Variants in CAMSAP1 observed in about 807,000 individuals in gnomAD.
CAMSAP1 encodes calmodulin-regulated spectrin-associated protein 1.
A neutral mutation model predicts 143.5 loss-of-function variants in CAMSAP1; 58 were observed. That is an observed-to-expected ratio of 0.40 (90% CI 0.33 to 0.50). CAMSAP1 has a LOEUF of 0.50. Ranked by LOEUF, CAMSAP1 falls within the 20% of genes least tolerant of loss-of-function variation. The pLI, the probability that CAMSAP1 is intolerant of heterozygous loss-of-function variation, is 0.45. For synonymous variants in CAMSAP1, 945 were observed against 859.3 expected (o/e 1.10, Z -1.74); for missense variants, 1,969 against 2,115.7 (o/e 0.93, Z 1.36).
intron 1 of CAMSAP1, among the ~76,000 whole-genome samples, chr9:135,890,185 C>T (rs117825154): frequency 0.011 from 1,724 of 152,124 alleles, 20 homozygotes; most frequent in Middle Eastern, 0.02. Context: ...ATGGAGGCTC[C>T]GCATGTACAA....
Position 135,823,111 on chromosome 9 carries a change from G to A in CAMSAP1, c.1550C>T (p.Pro517Leu). Reference protein sequence around the residue: ...NIVNLTPQNQPHPTATKSHGK... With the variant: ...NIVNLTPQNQLHPTATKSHGK... Reference sequence around the variant, plus strand: ...GTGGCTCTTCGTGGCCGTGGGGTGTGGCTGGTTCTGTGGGGTCAGATTAAC... The same window carrying A: ...GTGGCTCTTCGTGGCCGTGGGGTGTAGCTGGTTCTGTGGGGTCAGATTAAC... The change falls in exon 11 of 17, where the codon CCA becomes CTA. Residue 517 changes from proline (P) to leucine (L), a missense_variant. Transcript: ENST00000389532. The A allele has an allele frequency of 1.2e-6, 2 of 1,614,018 alleles. No individual in the cohort carries two copies. Among genetic ancestry groups the A allele is most frequent in the Non-Finnish European group, 1.7e-6 (2 of 1,179,902 alleles).
chr9:135,831,032 C>T (rs770748421), intron 7 of CAMSAP1, among the ~76,000 whole-genome samples: 11 of 151,990 alleles, frequency 7.2e-5, no homozygotes, highest in Non-Finnish European at 1.5e-4. Context: ...ATTAGCTGAG[C>T]GTGGTGGCGG....
At chr9:135,855,769 A>T (rs1227659000) in intron 5 of CAMSAP1, among the ~76,000 whole-genome samples, 1 of 147,620 alleles carries the variant, frequency 6.8e-6, no homozygotes, top group Non-Finnish European at 1.5e-5. Context: ...AAAAAAAAAA[A>T]AGGCCGGGTG....
intron 3 of CAMSAP1, among the ~76,000 whole-genome samples, chr9:135,875,249 G>C (rs965721025): frequency 6.7e-6 from 1 of 149,086 alleles, no homozygotes; most frequent in Non-Finnish European, 1.5e-5. Context: ...TACTCTTGTC[G>C]CCCAGGCTGG....
chr9:135,810,662 TG>T lies in CAMSAP1; in HGVS notation c.*646del, dbSNP rs1347272533. 2.0e-5 allele frequency: 3 copies of T among 152,642 alleles called. No homozygotes were observed. Among genetic ancestry groups the T allele is most frequent in the African/African-American group, 7.2e-5 (3 of 41,422 alleles). 9.5% of individuals were successfully genotyped at this position (152,642 alleles called of 1,614,324 possible). On this transcript the variant is annotated 3_prime_UTR_variant, in exon 17 of 17. Transcript: ENST00000389532. ...GATTTCGGTGCTTTTAGTGAACTGG[TG>T]TTTTCCGTAAACTTTTTCTGAGCAG...
In CAMSAP1 at chr9:135,865,760, G is replaced by A. The variant is rs553917837; in HGVS notation, c.666+696C>T. Among the ~76,000 whole-genome samples, 14 of 152,220 alleles carry A rather than the reference G, an allele frequency of 9.2e-5. No homozygotes were observed. The East Asian group carries it at 9.7e-4, about 11-fold the overall frequency. Reference sequence around the variant, plus strand: ...TCCAGATGAGGGAGGCATACCAGGCGGCCTGACTCACCCACCCACCCAGCT... The same window carrying A: ...TCCAGATGAGGGAGGCATACCAGGCAGCCTGACTCACCCACCCACCCAGCT... On this transcript the variant is annotated intron_variant, in intron 4 of 16. Coordinates refer to ENST00000389532, the MANE Select transcript of CAMSAP1 (RefSeq NM_015447.4).
Position 135,811,617 on chromosome 9 carries a change from CAG to C in CAMSAP1, c.4507-8_4507-7del, listed in dbSNP as rs2131631068. The C allele has an allele frequency of 1.9e-6, 3 of 1,575,874 alleles. No homozygotes were observed. Among genetic ancestry groups the C allele is most frequent in the Non-Finnish European group, 2.6e-6 (3 of 1,160,098 alleles). ...GCATCACACTTCTCCAGCTCCTGTGCAGAGAGAGAAAAGGGGAAGAGACAAAC... is the reference window on the plus strand; with the variant it reads ...GCATCACACTTCTCCAGCTCCTGTGCAGAGAGAAAAGGGGAAGAGACAAAC... On this transcript the variant is annotated splice_polypyrimidine_tract_variant and splice_region_variant and intron_variant, in intron 16 of 16. Transcript: ENST00000389532. This position sits in a 1 kb window ranked among gnomAD's most constrained non-coding sequence, Gnocchi z 4.9.
At chr9:135,819,410 A>T (rs1835359950) in intron 11 of CAMSAP1, among the ~76,000 whole-genome samples, 1 of 152,220 alleles carries the variant, frequency 6.6e-6, no homozygotes, top group Admixed American at 6.5e-5. Context: ...TTCCAAAATA[A>T]GAGCGAGGCT....
chr9:135,881,181 A>G (rs1230783461), intron 3 of CAMSAP1, among the ~76,000 whole-genome samples: 6 of 151,936 alleles, frequency 3.9e-5, no homozygotes, highest in African/African-American at 1.2e-4. Flanking sequence ...CCTCTCTACT[A>G]AAAATTAAAA....
chr9:135,870,909 T>C (rs1034438935), intron 3 of CAMSAP1, among the ~76,000 whole-genome samples: 3 of 152,270 alleles, frequency 2.0e-5, no homozygotes, highest in Non-Finnish European at 4.4e-5. Flanking sequence ...TAATTGATGA[T>C]AGTTTCAAAT....
chr9:135,890,788 A>G (rs1453484991), intron 1 of CAMSAP1, among the ~76,000 whole-genome samples: 3 of 152,232 alleles, frequency 2.0e-5, no homozygotes, highest in Non-Finnish European at 2.9e-5. Context: ...AATCTTTCAC[A>G]TACAATGGTC....
At chr9:135,825,003 T>TG (rs1301435570) in intron 8 of CAMSAP1, 123 bp from the exon 9 acceptor site, 22 of 772,192 alleles carry the variant, frequency 2.8e-5, no homozygotes, top group Non-Finnish European at 4.3e-5. Context: ...TCGGACTGTT[T>TG]GGGAAAAAAA....
At chr9:135,871,050 C>T (rs1485572951) in intron 3 of CAMSAP1, among the ~76,000 whole-genome samples, 1 of 152,122 alleles carries the variant, frequency 6.6e-6, no homozygotes. Context: ...CTACATGAAG[C>T]CAGATTTTGT....
At chr9:135,848,443 A>G (rs79704088) in intron 7 of CAMSAP1, among the ~76,000 whole-genome samples, 2,310 of 152,250 alleles carry the variant, frequency 0.015, 55 homozygotes, top group African/African-American at 0.052. Context: ...TCCAGAAGAG[A>G]AAGTCACGGG....
At chr9:135,854,515 T>G (rs1836885457) in intron 5 of CAMSAP1, among the ~76,000 whole-genome samples, 1 of 151,940 alleles carries the variant, frequency 6.6e-6, no homozygotes, top group African/African-American at 2.4e-5. Flanking sequence ...TCATCTGGAG[T>G]GCAGTGGCAC....
chr9:135,866,339 T>G (rs749408258), intron 4 of CAMSAP1, 117 bp downstream of exon 4: 23 of 638,772 alleles, frequency 3.6e-5, no homozygotes, highest in Non-Finnish European at 5.7e-5. Flanking sequence ...AGAGACTAGC[T>G]GCTTCTTTGG....
chr9:135,837,411 A>G (rs1474295798), intron 7 of CAMSAP1, among the ~76,000 whole-genome samples: 1 of 148,012 alleles, frequency 6.8e-6, no homozygotes, highest in Non-Finnish European at 1.5e-5. Context: ...GTACAGACAC[A>G]CGTCATCACG....
chr9:135,848,546 T>G (rs1480846647), intron 7 of CAMSAP1, among the ~76,000 whole-genome samples: 1 of 151,910 alleles, frequency 6.6e-6, no homozygotes, highest in African/African-American at 2.4e-5. Flanking sequence ...CACACACGCA[T>G]GCACACACAT....
chr9:135,876,560 G>A (rs879459614), intron 3 of CAMSAP1, among the ~76,000 whole-genome samples: 14 of 152,066 alleles, frequency 9.2e-5, no homozygotes, highest in Admixed American at 7.2e-4. Context: ...TAGAGCAACC[G>A]GAATCCTATC....
Sources: allele counts gnomAD v4.1 joint callset (sites outside exome capture counted in the v4.1 genomes callset), GRCh38; gene constraint gnomAD v4.1.1; non-coding constraint Gnocchi (gnomAD v3.1); transcripts MANE v1.5; gene names NCBI Gene and HGNC (gene_info 2026-07-23, HGNC 2026-07-21).